The following GALNT13 variants were observed in gnomAD, a reference collection of about 807,000 sequenced individuals.
GALNT13 encodes the protein UDP-GalNAc:polypeptide N-acetylgalactosaminyltransferase 13.
In GALNT13, 28 loss-of-function variants were observed where a neutral mutation model predicts 64.2. That is an observed-to-expected ratio of 0.44 (90% CI 0.32 to 0.60). The LOEUF (loss-of-function observed/expected upper bound fraction) is 0.60, where lower values mean the gene tolerates loss of function less well. GALNT13 is among the 20% of genes least tolerant of loss of function. The pLI, the probability that GALNT13 is intolerant of heterozygous loss-of-function variation, is 0.05. For synonymous variants in GALNT13, 214 were observed against 224.6 expected (o/e 0.95, Z 0.42); for missense variants, 577 against 669.8 (o/e 0.86, Z 1.53).
chr2:154,389,536 ATTCT>A (rs1325248799), intron 9 of GALNT13, among the ~76,000 whole-genome samples: 1 of 152,326 alleles, frequency 6.6e-6, no homozygotes, highest in East Asian at 1.9e-4. Flanking sequence ...GCATTAGGGT[ATTCT>A]TTCTTCAGGT....
chr2:153,759,102 T>A, the GALNT13 span, among the ~76,000 whole-genome samples: 1 of 152,208 alleles, frequency 6.6e-6, no homozygotes, highest in Admixed American at 6.6e-5. Context: ...TTCAGATTGT[T>A]CATTGTTAGT....
At chr2:154,294,596 C>G (rs1241490631) in intron 8 of GALNT13, among the ~76,000 whole-genome samples, 1 of 152,154 alleles carries the variant, frequency 6.6e-6, no homozygotes, top group Non-Finnish European at 1.5e-5. Context: ...ATTTATTTAA[C>G]CCAAGTTTTA....
At chr2:154,212,148 TG>T in intron 4 of GALNT13, among the ~76,000 whole-genome samples, 1 of 152,190 alleles carries the variant, frequency 6.6e-6, no homozygotes, top group African/African-American at 2.4e-5. Flanking sequence ...AGACAGGAAG[TG>T]TAGGCAACTT....
At chr2:153,808,190 A>G in the GALNT13 span, among the ~76,000 whole-genome samples, 7 of 152,104 alleles carry the variant, frequency 4.6e-5, no homozygotes, top group Non-Finnish European at 8.8e-5. Context: ...GGCTTTCTGT[A>G]TTATTTCATT....
intron 2 of GALNT13, among the ~76,000 whole-genome samples, chr2:153,943,402 A>G (rs76076823): frequency 0.062 from 9,364 of 152,236 alleles, 596 homozygotes; most frequent in African/African-American, 0.16. Flanking sequence ...AGGCTGTGTA[A>G]TTATTGATCG....
chr2:153,303,460 G>A, the GALNT13 span, among the ~76,000 whole-genome samples: 2 of 152,200 alleles, frequency 1.3e-5, no homozygotes, highest in East Asian at 3.9e-4. Flanking sequence ...TTTGGATGGA[G>A]TATTTATGGT....
At chr2:153,247,849 G>A in the GALNT13 span, among the ~76,000 whole-genome samples, 142 of 151,652 alleles carry the variant, frequency 9.4e-4, no homozygotes, top group South Asian at 1.7e-3. Context: ...GAGAAGAATC[G>A]AATAGAGACA....
rs118038578 is a variant in GALNT13 at position 153,932,503 on chromosome 2, T to C, written c.-104-11891T>C. On this transcript the variant is annotated intron_variant, in intron 2 of 12. Transcript: ENST00000392825. ...CTTTGTTTTTCTTAGTTTCAAAGAA[T>C]TTCTTGATTTCTACCTTAATTTCAT... is the stretch of plus-strand genomic sequence containing the variant. Among the ~76,000 whole-genome samples the C allele has an allele frequency of 2.7e-3, 413 of 152,134 alleles. 9 individuals are homozygous for C. In the East Asian group the frequency reaches 0.055, roughly 20 times the overall value.
the GALNT13 span, among the ~76,000 whole-genome samples, chr2:153,351,485 A>G: frequency 0.015 from 2,268 of 152,320 alleles, 169 homozygotes; most frequent in Admixed American, 0.13. Context: ...ACCAGAATCC[A>G]TAGTTTACGT....
chr2:154,017,463 T>C (rs1697085916), intron 3 of GALNT13, among the ~76,000 whole-genome samples: 1 of 152,134 alleles, frequency 6.6e-6, no homozygotes, highest in South Asian at 2.1e-4. Flanking sequence ...GACTACTCTT[T>C]GAAAATTACA....
the GALNT13 span, among the ~76,000 whole-genome samples, chr2:153,285,867 G>A: frequency 3.3e-5 from 5 of 152,060 alleles, no homozygotes; most frequent in Non-Finnish European, 7.4e-5. Flanking sequence ...TTAATTATTA[G>A]CCAGTGTAAT....
chr2:153,932,085 A>G (rs1229459515), intron 2 of GALNT13, among the ~76,000 whole-genome samples: 1 of 152,068 alleles, frequency 6.6e-6, no homozygotes, highest in Admixed American at 6.6e-5. Context: ...CTGTGTTAAT[A>G]GAGGTGTTTA....
chr2:153,726,580 C>G, the GALNT13 span, among the ~76,000 whole-genome samples: 2 of 152,122 alleles, frequency 1.3e-5, no homozygotes, highest in Admixed American at 1.3e-4. Flanking sequence ...CATAAGAAAT[C>G]TCTTTATTTT....
the GALNT13 span, among the ~76,000 whole-genome samples, chr2:153,076,629 C>G: frequency 3.9e-5 from 6 of 151,958 alleles, no homozygotes; most frequent in African/African-American, 1.2e-4. Context: ...AGGAATTGAT[C>G]AAATTTTATA....
the GALNT13 span, among the ~76,000 whole-genome samples, chr2:153,726,641 C>G: frequency 1.3e-5 from 2 of 151,846 alleles, no homozygotes; most frequent in East Asian, 3.9e-4. Context: ...CCATTTTTTC[C>G]TTGTTAAGAA....
At chr2:153,579,538 C>A in the GALNT13 span, among the ~76,000 whole-genome samples, 1 of 151,818 alleles carries the variant, frequency 6.6e-6, no homozygotes, top group Admixed American at 6.6e-5. Flanking sequence ...TTTAATGATC[C>A]CTAAGGCATA....
the GALNT13 span, among the ~76,000 whole-genome samples, chr2:153,345,641 TTCTTTC>T: frequency 2.5e-4 from 25 of 101,610 alleles, no homozygotes; most frequent in East Asian, 4.6e-3. Flanking sequence ...TTCTTTTTCT[TTCTTTC>T]TTTCTTTCTT....
chr2:154,345,894 G>T (rs971065523), intron 9 of GALNT13, among the ~76,000 whole-genome samples: 6 of 151,974 alleles, frequency 3.9e-5, no homozygotes, highest in African/African-American at 1.4e-4. Flanking sequence ...AAAAGCTAAA[G>T]AAAATATTTG....
the GALNT13 span, among the ~76,000 whole-genome samples, chr2:153,601,163 CT>C: frequency 2.0e-3 from 281 of 140,866 alleles, no homozygotes; most frequent in Middle Eastern, 7.6e-3. Context: ...ATTTAGTAGG[CT>C]TTTTTTTTTT....
Sources: allele counts gnomAD v4.1 joint callset (sites outside exome capture counted in the v4.1 genomes callset), GRCh38; gene constraint gnomAD v4.1.1; transcripts MANE v1.5; gene names NCBI Gene and HGNC (gene_info 2026-07-23, HGNC 2026-07-21).